The following ANKRD44 variants were observed in gnomAD, a reference collection of about 807,000 sequenced individuals.
ANKRD44 encodes the protein ankyrin repeat domain 44.
In ANKRD44, 35 loss-of-function variants were observed where a neutral mutation model predicts 116.0. The ratio of observed to expected loss-of-function variants is 0.30; its 90% CI spans 0.23 to 0.40. ANKRD44 has a LOEUF of 0.40. Among genes scored for constraint, ANKRD44 ranks in the 10% least tolerant of loss-of-function variants. ANKRD44 has a pLI of 1.00. For missense variants in ANKRD44, 1,014 were observed against 1,242.6 expected (o/e 0.82, Z 2.77); for synonymous variants, 435 against 461.8 (o/e 0.94, Z 0.74).
intron 16 of ANKRD44, chr2:197,078,490 C>T: frequency 1.5e-6 from 2 of 1,339,222 alleles, no homozygotes; most frequent in Non-Finnish European, 2.0e-6. Context: ...GCTTAAAAGC[C>T]TTGGGTGGTG....
chr2:197,058,397 C>T (rs200808062), intron 16 of ANKRD44, among the ~76,000 whole-genome samples: 3 of 142,190 alleles, frequency 2.1e-5, no homozygotes, highest in Non-Finnish European at 4.6e-5. Context: ...GGCTGTGAAT[C>T]TTTTTTTTTT....
rs1246022747 is a variant in ANKRD44, at chr2:197,025,266, A to C, written c.1652T>G (p.Leu551Arg). 1 of 1,609,528 alleles carries C rather than the reference A, an allele frequency of 6.2e-7. No homozygotes were observed. Among genetic ancestry groups the C allele is most frequent in the Non-Finnish European group, 8.5e-7 (1 of 1,176,320 alleles). ...AYGHRQCLEL[L>R]LERTNSGFEE... ...AAATCCACTGTTTGTTCTTTCCAAA[A>C]GCTGTGGAGACAAAAAGCAAACAAT... The change falls in exon 17 of 28, where the codon CTT becomes CGT. Residue 551 changes from leucine (L) to arginine (R), a missense_variant and splice_region_variant. By Grantham distance (102) the Leu-to-Arg change is moderately radical (BLOSUM62 -2). Coordinates refer to ENST00000282272, the MANE Select transcript of ANKRD44 (RefSeq NM_001195144.2).
chr2:197,038,461 C>G (rs1376764758), intron 16 of ANKRD44, among the ~76,000 whole-genome samples: 1 of 152,154 alleles, frequency 6.6e-6, no homozygotes, highest in Non-Finnish European at 1.5e-5. Flanking sequence ...GTTAGTATGA[C>G]TTTCTAAACC....
At chr2:196,991,934 A>G (rs1342998552) in intron 27 of ANKRD44, among the ~76,000 whole-genome samples, 2 of 152,192 alleles carry the variant, frequency 1.3e-5, no homozygotes, top group East Asian at 3.8e-4. Context: ...TCAAAGTCTC[A>G]AATCTAAAAT....
chr2:197,029,249 G>T, intron 16 of ANKRD44: 2 of 192,070 alleles, frequency 1.0e-5, no homozygotes, highest in Non-Finnish European at 2.1e-5. Context: ...CTGTCCTTCT[G>T]ACAGTTTGAG....
intron 16 of ANKRD44, 100 bp downstream of exon 16, chr2:197,078,603 C>T (rs757005944): frequency 6.5e-7 from 1 of 1,539,044 alleles, no homozygotes; most frequent in Non-Finnish European, 8.8e-7. Context: ...ACTTTTTACA[C>T]AAGCCAGAGC....
In ANKRD44 at chr2:197,008,927, C is replaced by A. The variant is rs192961622; in HGVS notation, c.2012+17G>T. On this transcript the variant is annotated intron_variant, in intron 19 of 27. Coordinates refer to ENST00000282272, the MANE Select transcript of ANKRD44 (RefSeq NM_001195144.2). ...TGATTGAAATGTCAACCCAAGGCCA[C>A]GTGTGAGCGCACTTACTGTCCTTTG... The A allele has an allele frequency of 4.3e-6, 7 of 1,612,518 alleles. No individual in the cohort carries two copies. The highest frequency in any genetic ancestry group is 5.1e-6 in the Non-Finnish European group (6 of 1,178,774).
intron 21 of ANKRD44, among the ~76,000 whole-genome samples, chr2:196,977,116 C>G (rs1380807115): frequency 6.6e-6 from 1 of 152,068 alleles, no homozygotes; most frequent in East Asian, 1.9e-4. Flanking sequence ...ATGAATTTAA[C>G]AAAATAAGTG....
At chr2:197,144,991 AAC>A (rs2079460356) in intron 3 of ANKRD44, among the ~76,000 whole-genome samples, 1 of 152,284 alleles carries the variant, frequency 6.6e-6, no homozygotes, top group East Asian at 1.9e-4. Context: ...CTATTAATAC[AAC>A]ATTTAAGAGG....
intron 16 of ANKRD44, among the ~76,000 whole-genome samples, chr2:197,037,758 T>G (rs1046441442): frequency 1.3e-5 from 2 of 152,098 alleles, no homozygotes; most frequent in African/African-American, 4.8e-5. Flanking sequence ...GGCAACATAG[T>G]GAGAACCTGT....
chr2:197,264,047 G>A (rs1274487659), intron 1 of ANKRD44, among the ~76,000 whole-genome samples: 1 of 152,172 alleles, frequency 6.6e-6, no homozygotes, highest in Non-Finnish European at 1.5e-5. Context: ...TCGAGCCTAG[G>A]AGCTTGAGAC....
At chr2:197,163,772 C>T (rs775729048) in intron 2 of ANKRD44, among the ~76,000 whole-genome samples, 1 of 152,132 alleles carries the variant, frequency 6.6e-6, no homozygotes. Flanking sequence ...GGACTACAAG[C>T]GCACGACACC....
intron 2 of ANKRD44, among the ~76,000 whole-genome samples, chr2:197,183,005 T>G (rs980275927): frequency 6.6e-6 from 1 of 151,982 alleles, no homozygotes; most frequent in African/African-American, 2.4e-5. Context: ...GTAGTAGGTA[T>G]GGAAGGACAC....
intron 16 of ANKRD44, among the ~76,000 whole-genome samples, chr2:197,048,954 A>C (rs527285953): frequency 2.9e-4 from 44 of 152,066 alleles, no homozygotes; most frequent in African/African-American, 1.0e-3. Flanking sequence ...AGCATTTTTT[A>C]ATGTGTCTGT....
intron 1 of ANKRD44, among the ~76,000 whole-genome samples, chr2:197,273,980 A>T (rs12615039): frequency 0.36 from 15,655 of 43,960 alleles, 2,848 homozygotes; most frequent in Middle Eastern, 0.5. Context: ...AAAAAAAAAA[A>T]ATATATATAT....
chr2:196,991,047 T>C (rs533502590), intron 27 of ANKRD44: 11 of 954,314 alleles, frequency 1.2e-5, no homozygotes, highest in Middle Eastern at 3.7e-4. Context: ...TTAGAAATCA[T>C]GCCAGGTAAA....
chr2:197,008,020 C>G, intron 19 of ANKRD44, 97 bp from the exon 20 acceptor site: 1 of 800,368 alleles, frequency 1.2e-6, no homozygotes, highest in Middle Eastern at 2.5e-4. Flanking sequence ...ATTCTCTTCC[C>G]CTCTCCTTTT....
intron 17 of ANKRD44, chr2:197,015,537 T>C (rs2076375526): frequency 8.2e-6 from 4 of 489,196 alleles, no homozygotes; most frequent in South Asian, 7.2e-5. Flanking sequence ...GTCGTGGAGG[T>C]GGATCTGGCA....
intron 8 of ANKRD44, among the ~76,000 whole-genome samples, chr2:197,118,670 A>AGAAAGAAAGAAAGAAAGAAAGAAAGAAG (rs752322121): frequency 2.0e-5 from 3 of 151,432 alleles, no homozygotes; most frequent in South Asian, 2.1e-4. Flanking sequence ...AAAGAAAGAA[A>AGAAAGAAAGAAAGAAAGAAAGAAAGAAG]GAAAGAAAAA....
Sources: allele counts gnomAD v4.1 joint callset (sites outside exome capture counted in the v4.1 genomes callset), GRCh38; gene constraint gnomAD v4.1.1; transcripts MANE v1.5; gene names NCBI Gene and HGNC (gene_info 2026-07-23, HGNC 2026-07-21).